CPLANE1: variants seen among roughly 807,000 people sequenced by gnomAD.
The protein encoded by CPLANE1 is ciliogenesis and planar polarity effector 1.
In CPLANE1, 263 loss-of-function variants were observed where a neutral mutation model predicts 362.5. The ratio of observed to expected loss-of-function variants is 0.73; its 90% CI spans 0.66 to 0.80. CPLANE1 has a LOEUF of 0.80. CPLANE1 is among the 30% of genes least tolerant of loss of function. The probability of loss-of-function intolerance (pLI) is 0.00; values close to 1 mark genes in which losing one functional copy is unlikely to be tolerated. For synonymous variants in CPLANE1, 1,212 were observed against 1,302.6 expected (o/e 0.93, Z 1.50); for missense variants, 3,461 against 3,793.4 (o/e 0.91, Z 2.30).
chr5:37,183,176 T>C lies in CPLANE1; in HGVS notation c.5005A>G (p.Asn1669Asp), dbSNP rs1436271226. The C allele has an allele frequency of 3.7e-6, 6 of 1,611,980 alleles. No homozygotes were observed. In the Admixed American group the frequency reaches 8.4e-5, roughly 22 times the overall value. ...AATCCACTCATTCCTTCATTCTTAT[T>C]GACTTCATTCGAAGGATATTGTAAA... The part of the protein sequence containing the change: ...PFLQYPSNEV[N>D]KNEGMSGLFG... Residue 1669 changes from asparagine to aspartate, a missense_variant, in exon 26 of 53, where the codon AAT (asparagine) becomes GAT (aspartate). By Grantham distance (23) the Asn-to-Asp change is conservative (BLOSUM62 1). Coordinates refer to ENST00000651892, the MANE Select transcript of CPLANE1 (RefSeq NM_001384732.1).
intron 19 of CPLANE1, among the ~76,000 whole-genome samples, chr5:37,200,782 A>C (rs985221635): frequency 6.6e-6 from 1 of 151,720 alleles, no homozygotes; most frequent in African/African-American, 2.4e-5. Flanking sequence ...TGAATAGTGT[A>C]GGAAAAAAAA....
chr5:37,237,317 G>A (rs1206164426), intron 8 of CPLANE1, among the ~76,000 whole-genome samples: 2 of 152,158 alleles, frequency 1.3e-5, no homozygotes, highest in Non-Finnish European at 2.9e-5. Context: ...GGAACTGGAG[G>A]TCATTATCCT....
intron 47 of CPLANE1, chr5:37,125,017 G>A: frequency 7.8e-7 from 1 of 1,289,882 alleles, no homozygotes; most frequent in African/African-American, 1.5e-5. Context: ...CATTAGCCTG[G>A]GGGACAAGAA....
intron 46 of CPLANE1, among the ~76,000 whole-genome samples, chr5:37,136,326 T>A (rs1372300121): frequency 6.6e-6 from 1 of 152,180 alleles, no homozygotes; most frequent in East Asian, 1.9e-4. Context: ...TCCAAAATGA[T>A]CTTCTTTGAC....
At chr5:37,084,653 G>A in the CPLANE1 span, among the ~76,000 whole-genome samples, 584 of 152,072 alleles carry the variant, frequency 3.8e-3, 3 homozygotes, top group Non-Finnish European at 6.8e-3. Flanking sequence ...GGTGGCAAGC[G>A]CCTGTAATCC....
At chr5:37,170,503 G>T (rs1048684501) in intron 32 of CPLANE1, among the ~76,000 whole-genome samples, 172 bp from the exon 33 acceptor site, 2 of 150,652 alleles carry the variant, frequency 1.3e-5, no homozygotes, top group African/African-American at 4.9e-5. Flanking sequence ...TTTTTAAAGG[G>T]AGAGGAAAAA....
At chr5:37,206,676 A>T (rs1356119517) in intron 16 of CPLANE1, among the ~76,000 whole-genome samples, 6 of 152,176 alleles carry the variant, frequency 3.9e-5, no homozygotes, top group Admixed American at 3.9e-4. Flanking sequence ...AAAAAACAAA[A>T]CAGAATAGAA....
At position 37,107,385 on chromosome 5, in the gene CPLANE1, A is replaced by G. The variant is rs756062822; in HGVS notation, c.*217T>C. The G allele has an allele frequency of 8.8e-6, 11 of 1,248,204 alleles. No individual in the cohort carries two copies. The highest frequency in any genetic ancestry group is 1.1e-5 in the Non-Finnish European group (11 of 993,686). The allele number at this position is 1,248,204 out of a possible 1,614,324, so 77.3% of individuals were successfully genotyped here. A position where few individuals can be genotyped will look rare whatever the true frequency, so the allele number is the denominator to read the frequency against. ...AATGATGCATCAAATACAAAAACAT[A>G]TAATACATCAATAGTCAACCCTTTC... On this transcript the variant is annotated 3_prime_UTR_variant, in exon 53 of 53. Transcript: ENST00000651892.
chr5:37,194,672 T>C (rs1786715836), intron 21 of CPLANE1, among the ~76,000 whole-genome samples: 1 of 151,702 alleles, frequency 6.6e-6, no homozygotes, highest in African/African-American at 2.4e-5. Context: ...TTTTTTTTTT[T>C]TTTAGGGACA....
At chr5:37,212,678 C>T (rs979159145) in intron 16 of CPLANE1, among the ~76,000 whole-genome samples, 2 of 152,116 alleles carry the variant, frequency 1.3e-5, no homozygotes, top group Non-Finnish European at 2.9e-5. Context: ...GGGCAGTTAT[C>T]TAGCACAGGA....
At chr5:37,235,731 C>T (rs1798832399) in intron 8 of CPLANE1, among the ~76,000 whole-genome samples, 1 of 151,892 alleles carries the variant, frequency 6.6e-6, no homozygotes, top group Admixed American at 6.6e-5. Flanking sequence ...CACCATCACA[C>T]CAGCTAATTT....
intron 20 of CPLANE1, among the ~76,000 whole-genome samples, chr5:37,197,512 A>C (rs1323043459): frequency 2.0e-5 from 3 of 152,176 alleles, no homozygotes; most frequent in African/African-American, 7.2e-5. Flanking sequence ...TAGTGCCTCT[A>C]GAAAGGAATG....
At chr5:37,099,118 C>T in the CPLANE1 span, among the ~76,000 whole-genome samples, 1 of 151,992 alleles carries the variant, frequency 6.6e-6, no homozygotes, top group Non-Finnish European at 1.5e-5. Context: ...GCTTTTTTTA[C>T]AAAAATCTTT....
In CPLANE1 at chr5:37,157,787, T is replaced by C; in HGVS notation, c.7894A>G (p.Asn2632Asp). Reference protein sequence around the residue: ...QELPVREEPSNDNVIKQQSDH... With the variant: ...QELPVREEPSDDNVIKQQSDH... ...CTTTGCTGTTTGATAACATTATCAT[T>C]TGAAGGCTCTTCTCTCACAGGTAAT... The change falls in exon 40 of 53, where the codon AAT becomes GAT. Residue 2632 changes from asparagine (N) to aspartate (D), a missense_variant. Asn to Asp is a conservative substitution (Grantham distance 23, BLOSUM62 1). This residue lies in a region of CPLANE1 where 3,380 missense variants were observed against 3,666.1 expected (regional missense o/e 0.92). Coordinates refer to ENST00000651892, the MANE Select transcript of CPLANE1 (RefSeq NM_001384732.1). The C allele has an allele frequency of 6.2e-7, 1 of 1,613,772 alleles. No individual in the cohort carries two copies. Among genetic ancestry groups the C allele is most frequent in the Non-Finnish European group, 8.5e-7 (1 of 1,179,768 alleles).
chr5:37,095,662 T>C, the CPLANE1 span, among the ~76,000 whole-genome samples: 1 of 152,212 alleles, frequency 6.6e-6, no homozygotes, highest in African/African-American at 2.4e-5. Flanking sequence ...GATTATATAA[T>C]TGTTTACCTA....
chr5:37,231,004 A>G lies in CPLANE1; in HGVS notation c.984T>C (p.Phe328=), dbSNP rs1287409274. 6.4e-7 allele frequency: 1 copy of G among 1,550,696 alleles called. No homozygotes were observed. The change falls in exon 9 of 53, where the codon TTT becomes TTC. Residue 328 remains phenylalanine, a synonymous_variant. Coordinates refer to ENST00000651892, the MANE Select transcript of CPLANE1 (RefSeq NM_001384732.1). ...GDISWTHDSL[F]LACMLKRGSL... ...AGCCACGTTTTAACATACAAGCCAGAAAAAGACTATCATGCGTCCAGCTGA... is the reference window on the plus strand; with the variant it reads ...AGCCACGTTTTAACATACAAGCCAGGAAAAGACTATCATGCGTCCAGCTGA...
the CPLANE1 span, among the ~76,000 whole-genome samples, chr5:37,086,959 A>G: frequency 6.6e-6 from 1 of 152,216 alleles, no homozygotes; most frequent in Non-Finnish European, 1.5e-5. Flanking sequence ...TGGTCAAGTG[A>G]GTAATCAGTA....
At chr5:37,112,381 C>T (rs1027247653) in intron 51 of CPLANE1, among the ~76,000 whole-genome samples, 3 of 152,014 alleles carry the variant, frequency 2.0e-5, no homozygotes, top group Non-Finnish European at 4.4e-5. Context: ...CTGGGATATC[C>T]AATTTGAGAT....
chr5:37,189,722 G>T (rs1784961321), intron 21 of CPLANE1, among the ~76,000 whole-genome samples: 1 of 152,168 alleles, frequency 6.6e-6, no homozygotes, highest in Non-Finnish European at 1.5e-5. Flanking sequence ...ATTGCAGCCG[G>T]GCACAGTGGC....
Sources: gnomAD v4.1 joint callset for allele counts (sites outside exome capture counted in the v4.1 genomes callset) on GRCh38, gnomAD v4.1.1 for gene constraint, gnomAD v4.1.1 regional missense constraint, MANE v1.5 for transcripts, NCBI Gene and HGNC (gene_info 2026-07-23, HGNC 2026-07-21) for gene names.